The following TICRR variants were observed in gnomAD, a reference collection of about 807,000 sequenced individuals.
TICRR encodes treslin.
A neutral mutation model predicts 178.1 loss-of-function variants in TICRR; 132 were observed. That is an observed-to-expected ratio of 0.74 (90% CI 0.64 to 0.86). The LOEUF (loss-of-function observed/expected upper bound fraction) is 0.86, where lower values mean the gene tolerates loss of function less well. Among genes scored for constraint, TICRR ranks in the 40% least tolerant of loss-of-function variants. TICRR has a pLI of 0.00. For synonymous variants in TICRR, 991 were observed against 900.7 expected (o/e 1.10, Z -1.79); for missense variants, 2,587 against 2,334.3 (o/e 1.11, Z -2.23).
At chr15:89,609,058 T>TTTTTCCTTCA (rs1342016876) in intron 15 of TICRR, 109 bp downstream of exon 15, 4 of 1,003,100 alleles carry the variant, frequency 4.0e-6, no homozygotes, top group Admixed American at 3.8e-5. Context: ...TCTTCCCTCT[T>TTTTTCCTTCA]TTTTCCTTCA....
intron 16 of TICRR, among the ~76,000 whole-genome samples, chr15:89,617,166 C>A (rs558315655): frequency 2.6e-5 from 4 of 152,274 alleles, no homozygotes; most frequent in East Asian, 1.9e-4. Context: ...TAGATAATGT[C>A]ATGGGTTTTT....
chr15:89,624,219 C>T lies in TICRR; in HGVS notation c.3909C>T (p.Ser1303=). ...CAGGGAATTCAACTGTGACTTCTTCCCCACCTGTTACGCCAAAGAAACTGT... is the reference window on the plus strand; with the variant it reads ...CAGGGAATTCAACTGTGACTTCTTCTCCACCTGTTACGCCAAAGAAACTGT... ...KRPGNSTVTS[S]PPVTPKKLFT... Residue 1303 remains serine (S), a synonymous_variant, in exon 20 of 22, where the codon TCC becomes TCT. Transcript: ENST00000268138. 1.2e-6 allele frequency: 2 copies of T among 1,614,150 alleles called. No individual in the cohort carries two copies. Among genetic ancestry groups the T allele is most frequent in the Non-Finnish European group, 1.7e-6 (2 of 1,180,034 alleles).
In TICRR at chr15:89,595,420, A is replaced by G; in HGVS notation, c.1709A>G (p.Gln570Arg). ...GGGGTCCCTCGTACTCCAGTGAGACAGAAGATGAATACCATGTGCCGTTCC... is the reference window on the plus strand; with the variant it reads ...GGGGTCCCTCGTACTCCAGTGAGACGGAAGATGAATACCATGTGCCGTTCC... ...KRGVPRTPVR[Q>R]KMNTMCRSLK... The change falls in exon 7 of 22, where the codon CAG (glutamine) becomes CGG (arginine). Residue 570 changes from glutamine to arginine, a missense_variant. Transcript: ENST00000268138. 3 of 1,614,090 alleles carry G rather than the reference A, an allele frequency of 1.9e-6. No homozygotes were observed. Among genetic ancestry groups the G allele is most frequent in the East Asian group, 4.5e-5 (2 of 44,868 alleles).
At chr15:89,614,308 G>A (rs1438517126) in intron 15 of TICRR, among the ~76,000 whole-genome samples, 1 of 150,422 alleles carries the variant, frequency 6.6e-6, no homozygotes, top group African/African-American at 2.5e-5. Flanking sequence ...TAATTTTGTT[G>A]ACAACTGGAT....
At chr15:89,592,023 G>A in intron 4 of TICRR, 24 bp from the exon 5 acceptor site, 2 of 1,592,456 alleles carry the variant, frequency 1.3e-6, no homozygotes, top group South Asian at 1.1e-5. Context: ...TTCCTCTCCT[G>A]CCGCTGCTCC....
chr15:89,621,917 C>A (rs915122323), intron 19 of TICRR, among the ~76,000 whole-genome samples: 1 of 150,942 alleles, frequency 6.6e-6, no homozygotes, highest in Admixed American at 6.6e-5. Flanking sequence ...TGGGAGTCAT[C>A]CTTTTCCCTC....
At chr15:89,589,172 A>G (rs1962869649) in intron 4 of TICRR, among the ~76,000 whole-genome samples, 2 of 152,280 alleles carry the variant, frequency 1.3e-5, no homozygotes, top group South Asian at 4.1e-4. Flanking sequence ...CGGAAGGAGC[A>G]GTGAGGAGAT....
intron 16 of TICRR, among the ~76,000 whole-genome samples, chr15:89,616,767 C>A (rs532840258): frequency 5.9e-5 from 9 of 152,302 alleles, no homozygotes; most frequent in Non-Finnish European, 1.0e-4. Context: ...GGAATAGATA[C>A]TCCACGGTTT....
intron 5 of TICRR, among the ~76,000 whole-genome samples, chr15:89,593,270 A>T (rs1962942935): frequency 6.6e-6 from 1 of 152,204 alleles, no homozygotes; most frequent in South Asian, 2.1e-4. Flanking sequence ...CTATCCATTT[A>T]TTTAGGTCTC....
chr15:89,580,303 C>A (rs113891074), intron 1 of TICRR, among the ~76,000 whole-genome samples: 2 of 152,184 alleles, frequency 1.3e-5, no homozygotes, highest in Non-Finnish European at 2.9e-5. Flanking sequence ...GGATTACAGG[C>A]GTCAGCCACC....
rs1266832224 is a variant in TICRR at position 89,576,104 on chromosome 15, G to C, written c.518G>C (p.Gly173Ala). 4 of 1,611,634 alleles carry C rather than the reference G, an allele frequency of 2.5e-6. No homozygotes were observed. The highest frequency in any genetic ancestry group is 2.5e-6 in the Non-Finnish European group (3 of 1,179,980). The part of the protein sequence containing the change: ...SQRELLQFVS[G>A]CEAQAQRLPP... ...AGGGAGCTGCTGCAGTTCGTGTCTGGGTGCGAGGCCCAGGCCCAGCGCCTG... is the reference window on the plus strand; with the variant it reads ...AGGGAGCTGCTGCAGTTCGTGTCTGCGTGCGAGGCCCAGGCCCAGCGCCTG... Residue 173 changes from glycine to alanine, a missense_variant, in exon 1 of 22, where the codon GGG becomes GCG. Gly to Ala is a moderately conservative substitution (Grantham distance 60). Coordinates refer to ENST00000268138, the MANE Select transcript of TICRR (RefSeq NM_152259.4).
chr15:89,620,844 T>C (rs1281169666), intron 18 of TICRR, among the ~76,000 whole-genome samples: 1 of 151,852 alleles, frequency 6.6e-6, no homozygotes, highest in Admixed American at 6.6e-5. Flanking sequence ...TGCCTCAGCC[T>C]CCTGAGTAGC....
In TICRR at chr15:89,621,435, A is replaced by C; in HGVS notation, c.3197A>C (p.Lys1066Thr). The stretch of plus-strand genomic sequence containing the variant: ...CCAGTCCAAAGTATTCGGTCTCCCA[A>C]GAGTCTTCTTTTTGGGGCAATGTCT... ...NSPVQSIRSP[K>T]SLLFGAMSEM... Residue 1066 changes from lysine (K) to threonine (T), a missense_variant, in exon 19 of 22, where the codon AAG becomes ACG. By Grantham distance (78) the Lys-to-Thr change is moderately conservative. Transcript: ENST00000268138. The C allele has an allele frequency of 6.2e-7, 1 of 1,613,978 alleles. No individual in the cohort carries two copies. The highest frequency in any genetic ancestry group is 8.5e-7 in the Non-Finnish European group (1 of 1,179,976).
Position 89,625,378 on chromosome 15 carries a change from A to T in TICRR, c.5068A>T (p.Arg1690Trp). 1 of 1,613,990 alleles carries T rather than the reference A, an allele frequency of 6.2e-7. No homozygotes were observed. The highest frequency in any genetic ancestry group is 8.5e-7 in the Non-Finnish European group (1 of 1,180,012). Residue 1690 changes from arginine to tryptophan, a missense_variant, in exon 20 of 22, where the codon AGG (arginine) becomes TGG (tryptophan). Arg to Trp is a moderately radical substitution (Grantham distance 101). Coordinates refer to ENST00000268138, the MANE Select transcript of TICRR (RefSeq NM_152259.4). ...AATTAAAGACTGGCCCAGGAGGAAG[A>T]GGGCGGTGGGCTGTGGCGCCGGCTC... is the stretch of plus-strand genomic sequence containing the variant. ...DIIKDWPRRK[R>W]AVGCGAGSSS...
At chr15:89,612,391 C>T (rs1963268722) in intron 15 of TICRR, among the ~76,000 whole-genome samples, 1 of 152,166 alleles carries the variant, frequency 6.6e-6, no homozygotes. Context: ...GCAGTGTCTG[C>T]ACTGCTCCTA....
chr15:89,583,609 G>T (rs1354326559), intron 2 of TICRR, among the ~76,000 whole-genome samples: 1 of 152,122 alleles, frequency 6.6e-6, no homozygotes, highest in Non-Finnish European at 1.5e-5. Flanking sequence ...AAGATATGAT[G>T]CACTGTACTT....
intron 8 of TICRR, among the ~76,000 whole-genome samples, chr15:89,600,002 A>C (rs1203023510): frequency 6.6e-6 from 1 of 152,156 alleles, no homozygotes; most frequent in Non-Finnish European, 1.5e-5. Flanking sequence ...GCTACTCGGG[A>C]GGCTGAGGCA....
At chr15:89,621,306 C>A in intron 18 of TICRR, 87 bp from the exon 19 acceptor site, 1 of 1,384,978 alleles carries the variant, frequency 7.2e-7, no homozygotes, top group Non-Finnish European at 9.8e-7. Context: ...CAGGCGTGAG[C>A]CACCATGCGT....
At chr15:89,606,896 G>A in intron 14 of TICRR, 71 bp downstream of exon 14, 1 of 1,362,674 alleles carries the variant, frequency 7.3e-7, no homozygotes, top group Non-Finnish European at 1.0e-6. Context: ...ATGTATTTAA[G>A]CAGCTGCTTA....
Sources: allele counts gnomAD v4.1 joint callset (sites outside exome capture counted in the v4.1 genomes callset), GRCh38; gene constraint gnomAD v4.1.1; transcripts MANE v1.5; gene names NCBI Gene and HGNC (gene_info 2026-07-23, HGNC 2026-07-21).